ZC3H7A: variants seen among roughly 807,000 people sequenced by gnomAD.
The protein encoded by ZC3H7A is zinc finger CCCH-type containing 7A, also known as zinc finger CCCH domain-containing protein 7A.
Under a neutral mutation model 125.5 loss-of-function variants are expected in ZC3H7A, and 44 were observed. The observed-to-expected ratio is 0.35, with a 90% CI of 0.28 to 0.45. The LOEUF (loss-of-function observed/expected upper bound fraction) is 0.45, where lower values mean the gene tolerates loss of function less well. ZC3H7A is among the 20% of genes least tolerant of loss of function. The probability of loss-of-function intolerance (pLI) is 1.00; values close to 1 mark genes in which losing one functional copy is unlikely to be tolerated. For missense variants in ZC3H7A, 977 were observed against 1,170.7 expected (o/e 0.83, Z 2.41); for synonymous variants, 399 against 391.2 (o/e 1.02, Z -0.23).
At position 11,779,353 on chromosome 16, in the gene ZC3H7A, C is replaced by T. The variant is rs200430131; in HGVS notation, c.119G>A (p.Arg40His). 87 of 1,609,368 alleles carry T rather than the reference C, an allele frequency of 5.4e-5. No individual in the cohort carries two copies. In the East Asian group the frequency reaches 7.1e-4, roughly 13 times the overall value. The change falls in exon 4 of 23, where the codon CGT becomes CAT. Residue 40 changes from arginine to histidine, a missense_variant. Arg to His is a conservative substitution (Grantham distance 29, BLOSUM62 0). Transcript: ENST00000355758. The stretch of plus-strand genomic sequence containing the variant: ...ATTAAAAAGATTTCTCACGAGAGCA[C>T]GCAAATATACCTAAAAAAAAGAAAG... Reference protein sequence around the residue: ...GTQEQYAVYLRALVRNLFNEG... With the variant: ...GTQEQYAVYLHALVRNLFNEG...
At chr16:11,761,572 G>C (rs2052753623) in intron 18 of ZC3H7A, 61 bp from the exon 19 acceptor site, 1 of 1,557,756 alleles carries the variant, frequency 6.4e-7, no homozygotes, top group Non-Finnish European at 8.8e-7. Context: ...TAACACAAAG[G>C]GAGAGGCACA....
intron 19 of ZC3H7A, among the ~76,000 whole-genome samples, chr16:11,760,438 A>G (rs1389901458): frequency 1.3e-5 from 2 of 152,260 alleles, no homozygotes; most frequent in Non-Finnish European, 2.9e-5. Context: ...CACTTTGGAT[A>G]AAACACAAAC....
At chr16:11,763,882 C>A (rs1596382942) in intron 15 of ZC3H7A, among the ~76,000 whole-genome samples, 1 of 149,528 alleles carries the variant, frequency 6.7e-6, no homozygotes, top group East Asian at 2.0e-4. Flanking sequence ...CGGCTCACTG[C>A]AAGCTCCGCC....
chr16:11,767,266 C>T (rs142485537), intron 13 of ZC3H7A, 151 bp downstream of exon 13: 36 of 581,486 alleles, frequency 6.2e-5, no homozygotes, highest in Non-Finnish European at 9.2e-5. Context: ...AGGCTAGGTG[C>T]GTCGTCGGCT....
intron 18 of ZC3H7A, 83 bp downstream of exon 18, chr16:11,761,827 A>T: frequency 6.4e-7 from 1 of 1,562,074 alleles, no homozygotes; most frequent in Non-Finnish European, 8.6e-7. Context: ...TCAAAGCCTT[A>T]AACTTTTTGC....
chr16:11,763,415 A>C (rs1255116537), intron 16 of ZC3H7A, 63 bp downstream of exon 16: 2 of 1,494,554 alleles, frequency 1.3e-6, no homozygotes, highest in Non-Finnish European at 1.8e-6. Flanking sequence ...GGCCCAAATT[A>C]CTGTTTCATT....
In ZC3H7A at chr16:11,765,812, T is replaced by G. The variant is rs573761078; in HGVS notation, c.1523-127A>C. ...TTCAAGGCTGCGGTGAGCAATGATC[T>G]TGCCACTGCACTCCAGCCTGGGCAA... On this transcript the variant is annotated intron_variant, in intron 13 of 22. Coordinates refer to ENST00000355758, the MANE Select transcript of ZC3H7A (RefSeq NM_014153.4). The surrounding 1 kb of genome is among the most constrained non-coding windows in gnomAD (Gnocchi z 4.8). 7.7e-5 allele frequency: 57 copies of G among 736,636 alleles called. No individual in the cohort carries two copies. The Middle Eastern group carries it at 9.6e-4, about 12-fold the overall frequency. The allele number at this position is 736,636 out of a possible 1,614,324, so 45.6% of individuals were successfully genotyped here. A position where few individuals can be genotyped will look rare whatever the true frequency, so the allele number is the denominator to read the frequency against.
chr16:11,762,620 C>T lies in ZC3H7A; in HGVS notation c.2079+51G>A, dbSNP rs371902688. On this transcript the variant is annotated intron_variant, in intron 17 of 22. Transcript: ENST00000355758. ...ATCCACCAACAACCAACATCTATTACGCAATTCCAGAAAGGACACCAAATG... is the reference window on the plus strand; with the variant it reads ...ATCCACCAACAACCAACATCTATTATGCAATTCCAGAAAGGACACCAAATG... The T allele has an allele frequency of 5.7e-5, 88 of 1,553,498 alleles. No homozygotes were observed. The African/African-American group carries it at 7.2e-4, about 13-fold the overall frequency.
intron 3 of ZC3H7A, among the ~76,000 whole-genome samples, chr16:11,779,633 G>A (rs2053140645): frequency 1.3e-5 from 2 of 152,166 alleles, no homozygotes; most frequent in South Asian, 2.1e-4. Flanking sequence ...CCAATTCTGT[G>A]CCCGCTAGAG....
chr16:11,795,663 C>G (rs2053425451), intron 1 of ZC3H7A, among the ~76,000 whole-genome samples: 1 of 152,066 alleles, frequency 6.6e-6, no homozygotes, highest in Non-Finnish European at 1.5e-5. Context: ...CTCGGAATTC[C>G]TGACCTCAGG....
chr16:11,767,808 A>G (rs1319676208), intron 12 of ZC3H7A, among the ~76,000 whole-genome samples: 1 of 152,192 alleles, frequency 6.6e-6, no homozygotes, highest in Non-Finnish European at 1.5e-5. Context: ...AAAAAAAAAT[A>G]CCCTTACTTA....
intron 8 of ZC3H7A, 26 bp downstream of exon 8, chr16:11,774,954 T>G (rs1454681721): frequency 1.2e-6 from 2 of 1,613,474 alleles, no homozygotes; most frequent in South Asian, 1.1e-5. Flanking sequence ...CTATTCAAAT[T>G]GTTAAGATGA....
chr16:11,774,219 G>GTA lies in ZC3H7A; in HGVS notation c.903+15_903+16dup, dbSNP rs2053040466. On this transcript the variant is annotated intron_variant, in intron 9 of 22. Transcript: ENST00000355758. ...AACTCTGTCTTCAGAAGAAACTTGA[G>GTA]TAACACTGAAACTTACCATAACAGT... 2.0e-6 allele frequency: 3 copies of GTA among 1,519,414 alleles called. No homozygotes were observed. The highest frequency in any genetic ancestry group is 2.7e-5 in the South Asian group (2 of 74,356). The allele number at this position is 1,519,414 out of a possible 1,614,324, so 94.1% of individuals were successfully genotyped here.
At chr16:11,782,191 T>C in intron 2 of ZC3H7A, 96 bp downstream of exon 2, 2 of 1,396,406 alleles carry the variant, frequency 1.4e-6, no homozygotes, top group Non-Finnish European at 2.0e-6. Flanking sequence ...ACTGGACCTA[T>C]TAAACATGAC....
intron 10 of ZC3H7A, among the ~76,000 whole-genome samples, chr16:11,769,808 G>C (rs1197364121): frequency 9.2e-5 from 2 of 21,844 alleles, no homozygotes; most frequent in Admixed American, 3.1e-4. Flanking sequence ...TTTTTTTTTT[G>C]AGAAAGGGTC....
rs189626750 is a variant in ZC3H7A, at chr16:11,756,424, A to C, written c.2429-54T>G. Reference sequence around the variant, plus strand: ...CAGCAACTAAACTCCATTTAAATACATGCAACTATGTGCATATTTTGTAGC... The same window carrying C: ...CAGCAACTAAACTCCATTTAAATACCTGCAACTATGTGCATATTTTGTAGC... On this transcript the variant is annotated intron_variant, in intron 20 of 22. Transcript: ENST00000355758. 76 of 1,588,370 alleles carry C rather than the reference A, an allele frequency of 4.8e-5. No homozygotes were observed. The Middle Eastern group carries it at 1.0e-3, about 22-fold the overall frequency.
chr16:11,779,913 C>A (rs539969270), intron 3 of ZC3H7A, among the ~76,000 whole-genome samples: 1 of 151,404 alleles, frequency 6.6e-6, no homozygotes, highest in Non-Finnish European at 1.5e-5. Flanking sequence ...ATGTGCATGT[C>A]TTTACCAGTG....
In ZC3H7A at chr16:11,776,546, G is replaced by A; in HGVS notation, c.466-14C>T. On this transcript the variant is annotated splice_polypyrimidine_tract_variant and intron_variant, in intron 5 of 22. Transcript: ENST00000355758. ...TACATGCTCATCCTGAAAAAAATAA[G>A]TATGTATAATTAACAGGGTTATATT... 6.3e-7 allele frequency: 1 copy of A among 1,595,424 alleles called. No individual in the cohort carries two copies. Among genetic ancestry groups the A allele is most frequent in the South Asian group, 1.1e-5 (1 of 87,128 alleles).
In ZC3H7A at chr16:11,763,632, T is replaced by C. The variant is rs146722472; in HGVS notation, c.1848A>G (p.Thr616=). 7.0e-5 allele frequency: 111 copies of C among 1,591,130 alleles called. No homozygotes were observed. In the African/African-American group the frequency reaches 1.2e-3, roughly 17 times the overall value. Residue 616 remains threonine, a synonymous_variant, in exon 16 of 23, where the codon ACA becomes ACG. Transcript: ENST00000355758. The stretch of plus-strand genomic sequence containing the variant: ...AACGTATTTTGGAGTATTTTACTGT[T>C]GTCTCTCGCAAAATGTGGACAAGGC... The part of the protein sequence containing the change: ...NKCLVHILRE[T]TVKYSKIRSF...
Sources: gnomAD v4.1 joint callset for allele counts (sites outside exome capture counted in the v4.1 genomes callset) on GRCh38, gnomAD v4.1.1 for gene constraint, Gnocchi (gnomAD v3.1) non-coding constraint, MANE v1.5 for transcripts, NCBI Gene and HGNC (gene_info 2026-07-23, HGNC 2026-07-21) for gene names.